ROBO1: variants seen among roughly 807,000 people sequenced by gnomAD.
ROBO1 encodes roundabout guidance receptor 1, also known as roundabout homolog 1.
ROBO1 carries 149 observed loss-of-function variants against 195.9 expected under a neutral mutation model. The observed-to-expected ratio is 0.76, with a 90% CI of 0.67 to 0.87. The LOEUF is 0.87. Ranked by LOEUF, ROBO1 falls within the 40% of genes least tolerant of loss-of-function variation. The probability of loss-of-function intolerance (pLI) is 0.00; values close to 1 mark genes in which losing one functional copy is unlikely to be tolerated. For missense variants in ROBO1, 1,933 were observed against 2,068.3 expected, an observed-to-expected ratio of 0.93 and a Z score of 1.27; for synonymous variants, 816 against 733.2, an observed-to-expected ratio of 1.11 and a Z score of -1.82.
chr3:79,113,903 C>T, intron 3 of ROBO1, among the ~76,000 whole-genome samples: 1 of 152,136 alleles, frequency 6.6e-6, no homozygotes, highest in East Asian at 1.9e-4. Flanking sequence ...TATGGTTTGG[C>T]TGCGTCCCCA....
chr3:78,821,322 C>T (rs377121870), intron 4 of ROBO1, among the ~76,000 whole-genome samples: 16 of 151,798 alleles, frequency 1.1e-4, no homozygotes, highest in African/African-American at 3.4e-4. Flanking sequence ...TGTACCACCA[C>T]GCCCGGCTAA....
intron 2 of ROBO1, among the ~76,000 whole-genome samples, chr3:79,176,984 A>G (rs2081271423): frequency 6.6e-6 from 1 of 152,236 alleles, no homozygotes. Context: ...TCAATACAAA[A>G]TAACGGCAAG....
At chr3:79,388,258 C>T (rs192566567) in intron 2 of ROBO1, among the ~76,000 whole-genome samples, 20 of 152,166 alleles carry the variant, frequency 1.3e-4, no homozygotes, top group Non-Finnish European at 2.5e-4. Flanking sequence ...GAAAGGGGAA[C>T]ATTCAATATT....
chr3:79,177,360 C>G (rs1328331959), intron 2 of ROBO1, among the ~76,000 whole-genome samples: 3 of 152,212 alleles, frequency 2.0e-5, no homozygotes, highest in Non-Finnish European at 4.4e-5. Context: ...AAGTGCATTG[C>G]CTCAGATGGA....
intron 2 of ROBO1, among the ~76,000 whole-genome samples, chr3:79,242,345 C>T (rs1349629928): frequency 1.3e-5 from 2 of 151,932 alleles, no homozygotes; most frequent in Admixed American, 6.6e-5. Flanking sequence ...TGCCTGTATT[C>T]TCCACTTAAA....
intron 1 of ROBO1, among the ~76,000 whole-genome samples, chr3:79,640,285 T>A (rs1267764458): frequency 6.6e-6 from 1 of 152,170 alleles, no homozygotes; most frequent in Non-Finnish European, 1.5e-5. Flanking sequence ...TGACATTAGC[T>A]TAAAATATTA....
At chr3:79,321,814 C>T (rs986296099) in intron 2 of ROBO1, among the ~76,000 whole-genome samples, 1 of 152,048 alleles carries the variant, frequency 6.6e-6, no homozygotes, top group African/African-American at 2.4e-5. Context: ...GGTCCATGTC[C>T]GTAAATATAC....
At chr3:79,384,620 G>A (rs1361276765) in intron 2 of ROBO1, among the ~76,000 whole-genome samples, 2 of 151,944 alleles carry the variant, frequency 1.3e-5, no homozygotes, top group African/African-American at 4.8e-5. Flanking sequence ...ATAAAGTTGA[G>A]TTTAATTTTA....
At chr3:79,556,821 T>A (rs759020380) in intron 2 of ROBO1, among the ~76,000 whole-genome samples, 3 of 151,896 alleles carry the variant, frequency 2.0e-5, no homozygotes, top group Non-Finnish European at 4.4e-5. Context: ...ACTAAAGTAG[T>A]AATCAACTTT....
At chr3:79,173,654 C>T (rs901193355) in intron 2 of ROBO1, among the ~76,000 whole-genome samples, 21 of 152,106 alleles carry the variant, frequency 1.4e-4, no homozygotes, top group Non-Finnish European at 2.5e-4. Context: ...TGAGCACGGC[C>T]CCCTGCTCCA....
intron 4 of ROBO1, among the ~76,000 whole-genome samples, chr3:78,797,863 C>T (rs1253576147): frequency 6.6e-6 from 1 of 151,852 alleles, no homozygotes; most frequent in Admixed American, 6.6e-5. Context: ...GATGATATTA[C>T]AAAATAAAAC....
chr3:79,020,580 T>C lies in ROBO1; in HGVS notation c.173-81653A>G, dbSNP rs527853552. ...GGTGGCGTTCGCCTGTAGCCCCAGC[T>C]GCTCGGGAGGCTAAGACAGAAGAAT... On this transcript the variant is annotated intron_variant, in intron 3 of 30. Transcript: ENST00000464233. 3.3e-3 allele frequency among the ~76,000 whole-genome samples: 504 copies of C among 152,264 alleles called. 4 individuals carry two copies. The highest frequency in any genetic ancestry group is 0.011 in the African/African-American group (448 of 41,560).
intron 3 of ROBO1, among the ~76,000 whole-genome samples, chr3:79,033,248 C>A (rs1399069784): frequency 2.0e-5 from 3 of 152,124 alleles, no homozygotes; most frequent in Middle Eastern, 3.4e-3. Flanking sequence ...ATTGTTGGCA[C>A]ATTTGTGGAA....
chr3:79,164,295 A>G (rs2081024602), intron 2 of ROBO1, among the ~76,000 whole-genome samples: 1 of 152,230 alleles, frequency 6.6e-6, no homozygotes, highest in Non-Finnish European at 1.5e-5. Context: ...TAGAGTACTA[A>G]TATGTGGTTT....
chr3:78,758,520 T>A (rs1223248955), intron 4 of ROBO1, among the ~76,000 whole-genome samples: 3 of 79,902 alleles, frequency 3.8e-5, no homozygotes, highest in South Asian at 4.1e-4. Flanking sequence ...AGTGAGACCC[T>A]ATCTCAAAAA....
At chr3:79,327,860 T>C (rs12629799) in intron 2 of ROBO1, among the ~76,000 whole-genome samples, 40,959 of 152,002 alleles carry the variant, frequency 0.27, 6,512 homozygotes, top group African/African-American at 0.45. Flanking sequence ...AACAATGCAA[T>C]AATGGAAATA....
chr3:78,836,105 A>T (rs1320121947), intron 4 of ROBO1, among the ~76,000 whole-genome samples: 1 of 152,230 alleles, frequency 6.6e-6, no homozygotes, highest in Non-Finnish European at 1.5e-5. Context: ...CCTAATGGTA[A>T]AATTTGTAAA....
intron 2 of ROBO1, among the ~76,000 whole-genome samples, chr3:79,248,374 CAAAAAAAAAAAA>C (rs10559171): frequency 0.012 from 452 of 36,224 alleles, 5 homozygotes; most frequent in African/African-American, 0.041. Context: ...GAAGACAGAC[CAAAAAAAAAAAA>C]AAAAAAAAAA....
intron 2 of ROBO1, among the ~76,000 whole-genome samples, chr3:79,236,210 T>C (rs1471257407): frequency 1.3e-5 from 2 of 152,198 alleles, no homozygotes; most frequent in Non-Finnish European, 2.9e-5. Flanking sequence ...TCACGATTCC[T>C]AGTATTTACT....
Sources: allele counts gnomAD v4.1 joint callset (sites outside exome capture counted in the v4.1 genomes callset), GRCh38; gene constraint gnomAD v4.1.1; transcripts MANE v1.5; gene names NCBI Gene and HGNC (gene_info 2026-07-23, HGNC 2026-07-21).